ERBB4: variants seen among roughly 807,000 people sequenced by gnomAD.
ERBB4 encodes the protein erb-b2 receptor tyrosine kinase 4.
A neutral mutation model predicts 158.0 loss-of-function variants in ERBB4; 42 were observed. The observed-to-expected ratio is 0.27, with a 90% confidence interval of 0.21 to 0.34. ERBB4 has a LOEUF of 0.34. Ranked by LOEUF, ERBB4 falls within the 10% of genes least tolerant of loss-of-function variation. The pLI is 1.00. For synonymous variants in ERBB4, 583 were observed against 558.7 expected (o/e 1.04, Z -0.61); for missense variants, 1,333 against 1,624.1 (o/e 0.82, Z 3.08).
chr2:211,641,405 A>G (rs1446477159), intron 16 of ERBB4, among the ~76,000 whole-genome samples: 1 of 152,082 alleles, frequency 6.6e-6, no homozygotes, highest in East Asian at 1.9e-4. Flanking sequence ...CATTTGCAAG[A>G]GGAACAAACC....
At chr2:212,011,579 C>T (rs1310962395) in intron 2 of ERBB4, among the ~76,000 whole-genome samples, 2 of 151,796 alleles carry the variant, frequency 1.3e-5, no homozygotes, top group South Asian at 4.2e-4. Flanking sequence ...GGCGAAACTC[C>T]ATCTCTACCA....
At chr2:211,421,819 A>G (rs941251432) in intron 24 of ERBB4, among the ~76,000 whole-genome samples, 188 bp downstream of exon 24, 5 of 151,982 alleles carry the variant, frequency 3.3e-5, no homozygotes, top group African/African-American at 4.8e-5. Context: ...ATACTAAGGG[A>G]AGGTGCTAAA....
chr2:211,406,953 G>A (rs1404087310), intron 25 of ERBB4, among the ~76,000 whole-genome samples: 1 of 151,940 alleles, frequency 6.6e-6, no homozygotes, highest in Non-Finnish European at 1.5e-5. Context: ...GATGGTGCAT[G>A]CCTGCAGTTC....
chr2:211,751,284 T>A (rs976116927), intron 4 of ERBB4, among the ~76,000 whole-genome samples: 2 of 152,204 alleles, frequency 1.3e-5, no homozygotes, highest in Non-Finnish European at 2.9e-5. Flanking sequence ...CATTTTCAAC[T>A]CTAAGCCTTA....
chr2:212,370,375 T>C (rs1346910620), intron 1 of ERBB4, among the ~76,000 whole-genome samples: 2 of 152,166 alleles, frequency 1.3e-5, no homozygotes, highest in African/African-American at 4.8e-5. Context: ...CATAGCATCA[T>C]GATAATGGAT....
At chr2:211,753,135 A>T (rs978598924) in intron 4 of ERBB4, among the ~76,000 whole-genome samples, 1 of 142,466 alleles carries the variant, frequency 7.0e-6, no homozygotes, top group East Asian at 2.0e-4. Context: ...AGTAAATGCT[A>T]CAATATCTGA....
At chr2:211,871,972 G>C (rs1164571443) in intron 3 of ERBB4, among the ~76,000 whole-genome samples, 1 of 152,060 alleles carries the variant, frequency 6.6e-6, no homozygotes, top group South Asian at 2.1e-4. Context: ...AGAGGGTACA[G>C]GAAGCATGTC....
chr2:211,575,915 TCTA>T (rs1010074053), intron 19 of ERBB4, among the ~76,000 whole-genome samples: 1 of 152,138 alleles, frequency 6.6e-6, no homozygotes, highest in Non-Finnish European at 1.5e-5. Context: ...TTTTATCTCC[TCTA>T]CTTTTATAAT....
rs2092182770 is a variant in ERBB4 at position 212,438,348 on chromosome 2, T to G, written c.82+100101A>C. On this transcript the variant is annotated intron_variant, in intron 1 of 27. Coordinates refer to ENST00000342788, the MANE Select transcript of ERBB4 (RefSeq NM_005235.3). ...CCAGGAGAAAAATACCATTAAATGT[T>G]GGTTCTTATAAGATGTCTTATGAAA... 3.3e-5 allele frequency among the ~76,000 whole-genome samples: 5 copies of G among 152,104 alleles called. No individual in the cohort carries two copies. The South Asian group carries it at 1.0e-3, about 31-fold the overall frequency.
chr2:212,238,734 G>T (rs933538682), intron 1 of ERBB4, among the ~76,000 whole-genome samples: 2 of 151,992 alleles, frequency 1.3e-5, no homozygotes, highest in African/African-American at 4.8e-5. Flanking sequence ...TAATTTTTAA[G>T]CAACGAGTTT....
intron 1 of ERBB4, among the ~76,000 whole-genome samples, chr2:212,457,013 C>G (rs560172896): frequency 6.6e-6 from 1 of 151,936 alleles, no homozygotes; most frequent in Non-Finnish European, 1.5e-5. Context: ...TACAGGTGCC[C>G]CAAAGGACTT....
chr2:212,531,096 G>A (rs893180759), intron 1 of ERBB4, among the ~76,000 whole-genome samples: 6 of 152,110 alleles, frequency 3.9e-5, no homozygotes, highest in Admixed American at 3.3e-4. Flanking sequence ...TCATGGGAGA[G>A]GCTTAATGAT....
intron 1 of ERBB4, among the ~76,000 whole-genome samples, chr2:212,142,114 A>G (rs117118913): frequency 6.6e-6 from 1 of 152,130 alleles, no homozygotes; most frequent in African/African-American, 2.4e-5. Flanking sequence ...CTGATTATCA[A>G]TTTATGGATT....
At chr2:212,417,563 A>T (rs1301988754) in intron 1 of ERBB4, among the ~76,000 whole-genome samples, 2 of 151,970 alleles carry the variant, frequency 1.3e-5, no homozygotes, top group Non-Finnish European at 2.9e-5. Flanking sequence ...CAAATCTAAA[A>T]CACATCTTGT....
At chr2:211,947,279 A>G in intron 3 of ERBB4, 151 bp downstream of exon 3, 1 of 679,892 alleles carries the variant, frequency 1.5e-6, no homozygotes, top group Non-Finnish European at 2.5e-6. Flanking sequence ...AGGGCATCAC[A>G]GGGCATCATT....
chr2:211,390,583 T>A (rs1472434953), intron 25 of ERBB4, among the ~76,000 whole-genome samples: 2 of 152,166 alleles, frequency 1.3e-5, no homozygotes, highest in African/African-American at 4.8e-5. Context: ...AGGGAACAGT[T>A]TATTATCTAT....
rs1448679418 is a variant in ERBB4, at chr2:211,567,602, A to C, written c.2302-5514T>G. ...AAAGTTTACATTAAGAGGTGTAAAAAAGTCACACGGAAGCTCTCTTTTTAA... is the reference window on the plus strand; with the variant it reads ...AAAGTTTACATTAAGAGGTGTAAAACAGTCACACGGAAGCTCTCTTTTTAA... On this transcript the variant is annotated intron_variant, in intron 19 of 27. Transcript: ENST00000342788. 2.0e-5 allele frequency among the ~76,000 whole-genome samples: 3 copies of C among 152,142 alleles called. No individual in the cohort carries two copies. The South Asian group carries it at 6.2e-4, about 31-fold the overall frequency.
intron 1 of ERBB4, among the ~76,000 whole-genome samples, chr2:212,240,201 C>A (rs1181849382): frequency 6.6e-6 from 1 of 152,116 alleles, no homozygotes; most frequent in Admixed American, 6.5e-5. Context: ...GCAACACTAT[C>A]CCAAAATATG....
intron 1 of ERBB4, among the ~76,000 whole-genome samples, chr2:212,126,434 C>A (rs2079929225): frequency 7.1e-6 from 1 of 139,998 alleles, no homozygotes; most frequent in Non-Finnish European, 1.5e-5. Context: ...CACTCCTAGC[C>A]TGAGCAACAG....
Sources: gnomAD v4.1 joint callset for allele counts (sites outside exome capture counted in the v4.1 genomes callset) on GRCh38, gnomAD v4.1.1 for gene constraint, MANE v1.5 for transcripts, NCBI Gene and HGNC (gene_info 2026-07-23, HGNC 2026-07-21) for gene names.